ITGAV: variants seen among roughly 807,000 people sequenced by gnomAD.
The protein encoded by ITGAV is integrin subunit alpha V.
Under a neutral mutation model 143.8 loss-of-function variants are expected in ITGAV, and 76 were observed. The ratio of observed to expected loss-of-function variants is 0.53; its 90% CI spans 0.44 to 0.64. ITGAV has a LOEUF of 0.64. ITGAV is among the 30% of genes least tolerant of loss of function. The probability of loss-of-function intolerance (pLI) is 0.00; values close to 1 mark genes in which losing one functional copy is unlikely to be tolerated. For synonymous variants in ITGAV, 453 were observed against 446.7 expected, an observed-to-expected ratio of 1.01 and a Z score of -0.18; for missense variants, 1,193 against 1,274.7, an observed-to-expected ratio of 0.94 and a Z score of 0.98.
chr2:186,604,656 G>A (rs560288745), intron 2 of ITGAV, among the ~76,000 whole-genome samples: 15 of 152,120 alleles, frequency 9.9e-5, no homozygotes, highest in South Asian at 4.2e-4. Flanking sequence ...TTAAATCTTC[G>A]TCAGTTTTAT....
At chr2:186,674,279 G>A (rs1294916989) in intron 26 of ITGAV, among the ~76,000 whole-genome samples, 3 of 152,030 alleles carry the variant, frequency 2.0e-5, no homozygotes, top group Non-Finnish European at 4.4e-5. Context: ...CTTGACCTCA[G>A]TGCTGTTTTA....
chr2:186,666,607 C>A (rs936789515), intron 21 of ITGAV, 97 bp from the exon 22 acceptor site: 8 of 582,734 alleles, frequency 1.4e-5, no homozygotes, highest in Admixed American at 6.4e-5. Flanking sequence ...CTCAGAAAAA[C>A]CCCATTTTAG....
intron 22 of ITGAV, 57 bp from the exon 23 acceptor site, chr2:186,667,093 G>C: frequency 1.5e-6 from 2 of 1,340,622 alleles, no homozygotes; most frequent in Non-Finnish European, 2.1e-6. Flanking sequence ...GTTTGCCTCT[G>C]TATGTTCTTG....
chr2:186,653,432 A>G lies in ITGAV; in HGVS notation c.1506-1218A>G, dbSNP rs374203242. On this transcript the variant is annotated intron_variant, in intron 15 of 29. Coordinates refer to ENST00000261023, the MANE Select transcript of ITGAV (RefSeq NM_002210.5). ...TTACTTACACAGACGAGTTGCAGAG[A>G]ACTTATGATCAAGGAGAAAATGATT... Among the ~76,000 whole-genome samples the G allele has an allele frequency of 1.5e-3, 229 of 152,274 alleles. 1 individual carries two copies. The highest frequency in any genetic ancestry group is 5.0e-3 in the African/African-American group (207 of 41,558).
chr2:186,616,380 G>C (rs1687361588), intron 2 of ITGAV, among the ~76,000 whole-genome samples: 1 of 143,110 alleles, frequency 7.0e-6, no homozygotes, highest in African/African-American at 2.6e-5. Flanking sequence ...CCGGGTTCAC[G>C]CCATTCTCCT....
chr2:186,606,629 G>T (rs941223249), intron 2 of ITGAV, among the ~76,000 whole-genome samples: 3 of 152,066 alleles, frequency 2.0e-5, no homozygotes, highest in Non-Finnish European at 4.4e-5. Context: ...ACTTTGAAGT[G>T]TGTTTAAAGT....
chr2:186,662,780 G>T (rs1688783210), intron 18 of ITGAV, among the ~76,000 whole-genome samples: 1 of 152,210 alleles, frequency 6.6e-6, no homozygotes, highest in East Asian at 1.9e-4. Context: ...ATTGTTAAGG[G>T]CTGAACTGAG....
chr2:186,612,621 T>C (rs1687246115), intron 2 of ITGAV, among the ~76,000 whole-genome samples: 1 of 152,208 alleles, frequency 6.6e-6, no homozygotes. Flanking sequence ...TGGGTATAAC[T>C]AGGCTTTGTA....
chr2:186,648,948 T>TTG (rs1451848521), intron 13 of ITGAV, among the ~76,000 whole-genome samples: 1 of 148,336 alleles, frequency 6.7e-6, no homozygotes, highest in Non-Finnish European at 1.5e-5. Flanking sequence ...ATATATACAT[T>TTG]TGTGTGTATA....
intron 2 of ITGAV, among the ~76,000 whole-genome samples, chr2:186,606,940 C>T (rs1208164438): frequency 2.6e-5 from 4 of 152,024 alleles, no homozygotes; most frequent in Admixed American, 2.6e-4. Flanking sequence ...CCATTCCCTC[C>T]TTAAAGTTTC....
Position 186,636,159 on chromosome 2 carries a change from C to T in ITGAV, c.709C>T (p.Gln237Ter). 1 of 1,612,758 alleles carries T rather than the reference C, an allele frequency of 6.2e-7. No individual in the cohort carries two copies. The highest frequency in any genetic ancestry group is 8.5e-7 in the Non-Finnish European group (1 of 1,179,414). The change falls in exon 7 of 30, where the codon CAA becomes TAA. Residue 237 changes from glutamine (Q) to a stop codon, truncating the protein, a stop_gained. Coordinates refer to ENST00000261023, the MANE Select transcript of ITGAV (RefSeq NM_002210.5). LOFTEE classifies it high-confidence loss of function. Reference protein sequence around the residue: ...PNVYSIKYNNQLATRTAQAIF... With the variant: ...PNVYSIKYNN ...TGTTTACAGCATCAAGTATAATAAC[C>T]AATTAGCAACTCGGACTGCACAAGC...
intron 21 of ITGAV, among the ~76,000 whole-genome samples, 161 bp downstream of exon 21, chr2:186,665,379 A>G (rs1321014730): frequency 1.3e-5 from 2 of 152,256 alleles, no homozygotes; most frequent in Non-Finnish European, 2.9e-5. Context: ...GCTTAGTTTT[A>G]ACTAAGATAC....
intron 24 of ITGAV, chr2:186,668,425 C>T (rs1047102707): frequency 2.4e-5 from 6 of 254,700 alleles, no homozygotes; most frequent in East Asian, 3.2e-4. Context: ...AGGGTTTCAC[C>T]GACAGGTTTC....
chr2:186,636,832 A>G (rs1687957206), intron 7 of ITGAV, among the ~76,000 whole-genome samples: 1 of 152,240 alleles, frequency 6.6e-6, no homozygotes, highest in Non-Finnish European at 1.5e-5. Context: ...ACTCCTTTGT[A>G]AAGTTAATAA....
At chr2:186,642,456 A>G (rs1448498673) in intron 12 of ITGAV, among the ~76,000 whole-genome samples, 2 of 151,948 alleles carry the variant, frequency 1.3e-5, no homozygotes, top group African/African-American at 2.4e-5. Flanking sequence ...TCTTGTGGGT[A>G]GGTGCTGTCA....
intron 1 of ITGAV, among the ~76,000 whole-genome samples, chr2:186,596,207 C>T (rs940093477): frequency 2.6e-5 from 4 of 152,106 alleles, no homozygotes; most frequent in South Asian, 4.1e-4. Context: ...TATTGCCATT[C>T]GATAGAAGGG....
chr2:186,636,702 C>A (rs35540241), intron 7 of ITGAV, among the ~76,000 whole-genome samples: 37,120 of 152,128 alleles, frequency 0.24, 5,356 homozygotes, highest in East Asian at 0.73. Context: ...AACATGTGTT[C>A]TCTCTTTCAA....
chr2:186,676,144 TAA>T lies in ITGAV; in HGVS notation c.2928+218_2928+219del. ...TTTTAGTTTAGCATCTTGTCCAGTGTAAGAGATTTCTTAGTATATACTAAATT... is the reference window on the plus strand; with the variant it reads ...TTTTAGTTTAGCATCTTGTCCAGTGTGAGATTTCTTAGTATATACTAAATT... On this transcript the variant is annotated intron_variant, in intron 28 of 29. Transcript: ENST00000261023. 6.8e-6 allele frequency: 3 copies of T among 438,788 alleles called. No homozygotes were observed. In the South Asian group the frequency reaches 1.3e-4, roughly 18 times the overall value. The allele number at this position is 438,788 out of a possible 1,614,324, so 27.2% of individuals were successfully genotyped here.
Position 186,675,642 on chromosome 2 carries a change from A to C in ITGAV, c.2745A>C (p.Gln915His), listed in dbSNP as rs149499557. Reference protein sequence around the residue: ...GVAQCLKIVCQVGRLDRGKSA... With the variant: ...GVAQCLKIVCHVGRLDRGKSA... ...CTCAGTGCTTGAAGATTGTCTGCCA[A>C]GTTGGGAGATTAGACAGAGGAAAGA... Residue 915 changes from glutamine (Q) to histidine (H), a missense_variant, in exon 27 of 30, where the codon CAA becomes CAC. Gln to His is a conservative substitution (Grantham distance 24). Transcript: ENST00000261023. The C allele has an allele frequency of 1.1e-5, 18 of 1,613,992 alleles. No individual in the cohort carries two copies. The highest frequency in any genetic ancestry group is 1.4e-5 in the Non-Finnish European group (17 of 1,179,986).
Sources: allele counts gnomAD v4.1 joint callset (sites outside exome capture counted in the v4.1 genomes callset), GRCh38; gene constraint gnomAD v4.1.1; transcripts MANE v1.5; gene names NCBI Gene and HGNC (gene_info 2026-07-23, HGNC 2026-07-21).